REV3L: variants seen among roughly 807,000 people sequenced by gnomAD.
REV3L encodes REV3 like, DNA directed polymerase zeta catalytic subunit.
In REV3L, 69 loss-of-function variants were observed where a neutral mutation model predicts 299.4. The ratio of observed to expected loss-of-function variants is 0.23; its 90% CI spans 0.19 to 0.28. The LOEUF is 0.28. Among genes scored for constraint, REV3L ranks in the 10% least tolerant of loss-of-function variants. The pLI is 1.00. For synonymous variants in REV3L, 1,238 were observed against 1,271.4 expected, an observed-to-expected ratio of 0.97 and a Z score of 0.56; for missense variants, 3,128 against 3,693.8, an observed-to-expected ratio of 0.85 and a Z score of 3.97.
intron 1 of REV3L, among the ~76,000 whole-genome samples, chr6:111,466,739 G>T (rs1425012703): frequency 6.6e-6 from 1 of 152,204 alleles, no homozygotes; most frequent in African/African-American, 2.4e-5. Flanking sequence ...CTACTTGGGA[G>T]ACTGAAGCAC....
At chr6:111,386,555 A>T (rs1781362859) in intron 9 of REV3L, among the ~76,000 whole-genome samples, 1 of 152,166 alleles carries the variant, frequency 6.6e-6, no homozygotes, top group Non-Finnish European at 1.5e-5. Context: ...TTTAAAAATT[A>T]AACACAAATA....
At chr6:111,328,996 A>C (rs1263132886) in intron 25 of REV3L, among the ~76,000 whole-genome samples, 1 of 152,132 alleles carries the variant, frequency 6.6e-6, no homozygotes. Flanking sequence ...CAAACTCCTG[A>C]GCTCAAGTAA....
At chr6:111,332,016 TA>T (rs1159793877) in intron 23 of REV3L, among the ~76,000 whole-genome samples, 1 of 152,176 alleles carries the variant, frequency 6.6e-6, no homozygotes, top group African/African-American at 2.4e-5. Context: ...AATTTATGGG[TA>T]AAATCTATAC....
At chr6:111,410,552 G>A (rs1227670621) in intron 3 of REV3L, among the ~76,000 whole-genome samples, 4 of 152,178 alleles carry the variant, frequency 2.6e-5, no homozygotes, top group Non-Finnish European at 5.9e-5. Context: ...ACGAATATGA[G>A]GAAGTATGAG....
At chr6:111,445,305 A>C (rs1788716389) in intron 1 of REV3L, among the ~76,000 whole-genome samples, 1 of 152,176 alleles carries the variant, frequency 6.6e-6, no homozygotes, top group South Asian at 2.1e-4. Flanking sequence ...AACGGGGGTA[A>C]ATCATGTCCC....
At chr6:111,363,768 T>C (rs1443820313) in intron 16 of REV3L, 85 bp downstream of exon 16, 2 of 1,376,946 alleles carry the variant, frequency 1.5e-6, no homozygotes, top group African/African-American at 1.5e-5. Flanking sequence ...TCCTCCCTTG[T>C]TAAAAAAATT....
At chr6:111,481,479 T>C (rs1793633678) in intron 1 of REV3L, among the ~76,000 whole-genome samples, 2 of 152,230 alleles carry the variant, frequency 1.3e-5, no homozygotes, top group South Asian at 4.1e-4. Flanking sequence ...AGGAATATGC[T>C]ACCAAATCTC....
chr6:111,315,386 G>A lies in REV3L; in HGVS notation c.8352-5C>T, dbSNP rs779207284. On this transcript the variant is annotated splice_polypyrimidine_tract_variant and splice_region_variant and intron_variant, in intron 26 of 31. Transcript: ENST00000368802. ...CCTTTCAGTAGCACAAACATACTAA[G>A]GGGATTAAAAATAAAGTAAGGTAAT... is the stretch of plus-strand genomic sequence containing the variant. 3 of 1,608,438 alleles carry A rather than the reference G, an allele frequency of 1.9e-6. No individual in the cohort carries two copies. Among genetic ancestry groups the A allele is most frequent in the East Asian group, 2.2e-5 (1 of 44,804 alleles).
At chr6:111,436,218 A>C (rs943734487) in intron 1 of REV3L, among the ~76,000 whole-genome samples, 2 of 152,234 alleles carry the variant, frequency 1.3e-5, no homozygotes, top group Non-Finnish European at 1.5e-5. Flanking sequence ...AATGTAAATT[A>C]GTACAGTTAC....
chr6:111,319,593 C>T (rs189630479), intron 26 of REV3L, among the ~76,000 whole-genome samples: 24 of 152,240 alleles, frequency 1.6e-4, no homozygotes, highest in Admixed American at 6.5e-4. Flanking sequence ...TTTGATAGCA[C>T]AGCAGAGAGA....
intron 9 of REV3L, among the ~76,000 whole-genome samples, chr6:111,386,426 AT>A (rs1351879076): frequency 6.6e-6 from 1 of 152,248 alleles, no homozygotes; most frequent in Non-Finnish European, 1.5e-5. Context: ...GGATGGCTAC[AT>A]TAAAAAAAGA....
At chr6:111,393,221 C>T (rs796652957) in intron 4 of REV3L, among the ~76,000 whole-genome samples, 8 of 152,010 alleles carry the variant, frequency 5.3e-5, no homozygotes, top group Non-Finnish European at 1.0e-4. Flanking sequence ...TGGGTTTCAC[C>T]GTGTTAGCCA....
At chr6:111,372,549 A>T in intron 13 of REV3L, 47 bp downstream of exon 13, 1 of 1,343,434 alleles carries the variant, frequency 7.4e-7, no homozygotes, top group Non-Finnish European at 9.8e-7. Flanking sequence ...ATAATTTTAT[A>T]TATCATAATA....
chr6:111,326,520 G>C (rs1277746249), intron 25 of REV3L, among the ~76,000 whole-genome samples: 1 of 151,788 alleles, frequency 6.6e-6, no homozygotes, highest in Non-Finnish European at 1.5e-5. Flanking sequence ...AATTAGTAGA[G>C]CCACTATGTA....
intron 1 of REV3L, among the ~76,000 whole-genome samples, chr6:111,423,926 G>A (rs1389961487): frequency 1.3e-5 from 2 of 152,200 alleles, no homozygotes; most frequent in African/African-American, 4.8e-5. Flanking sequence ...AATTTTACAT[G>A]TCTATAGAAT....
rs530218013 is a variant in REV3L, at chr6:111,423,874, CTG to C, written c.140-7404_140-7403del. On this transcript the variant is annotated intron_variant, in intron 1 of 31. Transcript: ENST00000368802. ...GGATGATAATGTCACTCAAAGAAAA[CTG>C]TAAAAGAGGGGCGGGTTGACTTCTG... is the stretch of plus-strand genomic sequence containing the variant. Among the ~76,000 whole-genome samples, 57 of 152,270 alleles carry C rather than the reference CTG, an allele frequency of 3.7e-4. No individual in the cohort carries two copies. In the East Asian group the frequency reaches 0.011, roughly 29 times the overall value.
intron 21 of REV3L, among the ~76,000 whole-genome samples, chr6:111,338,459 AG>A (rs1315053917): frequency 2.0e-5 from 3 of 150,588 alleles, no homozygotes; most frequent in Non-Finnish European, 4.4e-5. Context: ...TGAATATTTC[AG>A]GATTTTTTTC....
intron 7 of REV3L, among the ~76,000 whole-genome samples, chr6:111,388,459 A>G (rs947097281): frequency 6.6e-6 from 1 of 152,186 alleles, no homozygotes; most frequent in Admixed American, 6.5e-5. Context: ...AGTGCCTAAG[A>G]TATAATAATT....
At chr6:111,438,246 T>C (rs1787831564) in intron 1 of REV3L, among the ~76,000 whole-genome samples, 1 of 152,094 alleles carries the variant, frequency 6.6e-6, no homozygotes. Flanking sequence ...GATGACCTAA[T>C]TTTGAATATA....
Sources: gnomAD v4.1 joint callset for allele counts (sites outside exome capture counted in the v4.1 genomes callset) on GRCh38, gnomAD v4.1.1 for gene constraint, MANE v1.5 for transcripts, NCBI Gene and HGNC (gene_info 2026-07-23, HGNC 2026-07-21) for gene names.